The following METTL13 variants were observed in gnomAD, a reference collection of about 807,000 sequenced individuals.
The protein encoded by METTL13 is methyltransferase 13, eEF1A N-terminus and K55.
A neutral mutation model predicts 67.4 loss-of-function variants in METTL13; 52 were observed. That is an observed-to-expected ratio of 0.77 (90% CI 0.62 to 0.97). METTL13 has a LOEUF of 0.97. Ranked by LOEUF, METTL13 falls within the 50% of genes least tolerant of loss-of-function variation. The pLI, the probability that METTL13 is intolerant of heterozygous loss-of-function variation, is 0.00. For missense variants in METTL13, 825 were observed against 889.6 expected, an observed-to-expected ratio of 0.93 and a Z score of 0.92; for synonymous variants, 354 against 353.6, an observed-to-expected ratio of 1.00 and a Z score of -0.01.
intron 3 of METTL13, 95 bp from the exon 4 acceptor site, chr1:171,787,640 A>G: frequency 8.9e-7 from 1 of 1,129,134 alleles, no homozygotes; most frequent in South Asian, 1.6e-5. Context: ...GAACCGTGGT[A>G]TGGGGATATA....
In METTL13 at chr1:171,790,596, G is replaced by A; in HGVS notation, c.1454G>A (p.Arg485Lys). ...ATGATCGCTGGCCTTGCCCTGCTGA[G>A]AAACCCAGAGCTACTCCTAGGTGAG... ...KAMIAGLALLRNPELLLEIPL... is the reference protein window; with the variant it reads ...KAMIAGLALLKNPELLLEIPL... The change falls in exon 5 of 8, where the codon AGA becomes AAA. Residue 485 changes from arginine (R) to lysine (K), a missense_variant. Coordinates refer to ENST00000361735, the MANE Select transcript of METTL13 (RefSeq NM_015935.5). 1 of 1,577,030 alleles carries A rather than the reference G, an allele frequency of 6.3e-7. No individual in the cohort carries two copies. Among genetic ancestry groups the A allele is most frequent in the African/African-American group, 1.4e-5 (1 of 73,272 alleles).
chr1:171,794,075 A>G (rs1657288490), intron 6 of METTL13, among the ~76,000 whole-genome samples: 1 of 152,266 alleles, frequency 6.6e-6, no homozygotes, highest in Non-Finnish European at 1.5e-5. Flanking sequence ...GTTCTGCCAC[A>G]GTCAAAAGCC....
chr1:171,790,492 T>C lies in METTL13; in HGVS notation c.1350T>C (p.Pro450=). 6.2e-7 allele frequency: 1 copy of C among 1,609,604 alleles called. No individual in the cohort carries two copies. The highest frequency in any genetic ancestry group is 8.5e-7 in the Non-Finnish European group (1 of 1,178,752). Residue 450 remains proline, a synonymous_variant, in exon 5 of 8, where the codon CCT becomes CCC. Coordinates refer to ENST00000361735, the MANE Select transcript of METTL13 (RefSeq NM_015935.5). The part of the protein sequence containing the change: ...KRKKDRKKQR[P]ADAEDLPAAP... ...AAAAGGACAGGAAGAAGCAGCGGCCTGCTGATGCGGAGGACCTCCCTGCAG... is the reference window on the plus strand; with the variant it reads ...AAAAGGACAGGAAGAAGCAGCGGCCCGCTGATGCGGAGGACCTCCCTGCAG...
intron 4 of METTL13, among the ~76,000 whole-genome samples, chr1:171,789,767 C>T (rs1486820280): frequency 1.4e-5 from 2 of 142,598 alleles, no homozygotes; most frequent in African/African-American, 5.3e-5. Context: ...TTTGAGTGTG[C>T]ATTTGCCATT....
chr1:171,787,637 G>C, intron 3 of METTL13, 98 bp from the exon 4 acceptor site: 3 of 1,103,042 alleles, frequency 2.7e-6, no homozygotes, highest in Non-Finnish European at 3.9e-6. Flanking sequence ...CTAGAACCGT[G>C]GTATGGGGAT....
intron 7 of METTL13, among the ~76,000 whole-genome samples, chr1:171,795,575 G>C (rs1657341407): frequency 6.6e-6 from 1 of 152,186 alleles, no homozygotes. Flanking sequence ...TTTTGGATGA[G>C]GAAACTGAGG....
At chr1:171,784,535 G>GCGC in intron 2 of METTL13, 36 bp downstream of exon 2, 1 of 1,471,594 alleles carries the variant, frequency 6.8e-7, no homozygotes, top group Non-Finnish European at 9.0e-7. Flanking sequence ...CCCTGGAGGG[G>GCGC]CTGGCTTACA....
chr1:171,782,877 G>C (rs1656873304), intron 1 of METTL13, among the ~76,000 whole-genome samples: 3 of 152,198 alleles, frequency 2.0e-5, no homozygotes, highest in Admixed American at 2.0e-4. Context: ...GTATAGGTGA[G>C]ATTGTACTGG....
chr1:171,792,668 A>G (rs1171448138), intron 6 of METTL13, among the ~76,000 whole-genome samples: 1 of 152,256 alleles, frequency 6.6e-6, no homozygotes, highest in Non-Finnish European at 1.5e-5. Flanking sequence ...AGTGGTATAC[A>G]ACCTCAGGGT....
At position 171,795,535 on chromosome 1, in the gene METTL13, T is replaced by A. The variant is rs531647685; in HGVS notation, c.1826-947T>A. Among the ~76,000 whole-genome samples the A allele has an allele frequency of 7.2e-5, 11 of 152,302 alleles. 1 individual carries two copies. In the South Asian group the frequency reaches 2.3e-3, roughly 32 times the overall value. On this transcript the variant is annotated intron_variant, in intron 7 of 7. Coordinates refer to ENST00000361735, the MANE Select transcript of METTL13 (RefSeq NM_015935.5). The stretch of plus-strand genomic sequence containing the variant: ...TTCCTACACGTGCTCTACTAGGCAG[T>A]GTGTTATTTAATCTTCATAGCAGTC...
At chr1:171,796,459 T>C (rs1657378938) in intron 7 of METTL13, 23 bp from the exon 8 acceptor site, 2 of 1,612,150 alleles carry the variant, frequency 1.2e-6, no homozygotes, top group South Asian at 2.2e-5. Flanking sequence ...GAGGTCATTC[T>C]GACTTTTCTT....
chr1:171,787,634 C>A, intron 3 of METTL13, 101 bp from the exon 4 acceptor site: 1 of 1,063,202 alleles, frequency 9.4e-7, no homozygotes. Context: ...TGTCTAGAAC[C>A]GTGGTATGGG....
chr1:171,793,799 A>C (rs1657280628), intron 6 of METTL13, among the ~76,000 whole-genome samples: 1 of 152,248 alleles, frequency 6.6e-6, no homozygotes. Context: ...CTGAAATTTC[A>C]GAACATTTTC....
rs982884655 is a variant in METTL13, at chr1:171,789,197, C to T, written c.1310-1255C>T. Among the ~76,000 whole-genome samples the T allele has an allele frequency of 5.3e-5, 8 of 152,254 alleles. No individual in the cohort carries two copies. In the South Asian group the frequency reaches 1.5e-3, roughly 28 times the overall value. ...TCTCCCTCATGGGAGTATTGGTGAG[C>T]AAGAAGGAGAGCATATTAAAAAGTG... On this transcript the variant is annotated intron_variant, in intron 4 of 7. Coordinates refer to ENST00000361735, the MANE Select transcript of METTL13 (RefSeq NM_015935.5).
chr1:171,794,289 A>T (rs993963038), intron 6 of METTL13, 107 bp from the exon 7 acceptor site: 2 of 1,504,544 alleles, frequency 1.3e-6, no homozygotes, highest in African/African-American at 2.7e-5. Context: ...CATCCTTCTA[A>T]CTTAGTCACC....
intron 4 of METTL13, among the ~76,000 whole-genome samples, chr1:171,788,339 C>G (rs908217472): frequency 6.6e-6 from 1 of 152,134 alleles, no homozygotes; most frequent in African/African-American, 2.4e-5. Context: ...TAGAGGCCTT[C>G]TAGTATACCA....
At chr1:171,787,276 T>C (rs1383716940) in intron 3 of METTL13, among the ~76,000 whole-genome samples, 1 of 152,068 alleles carries the variant, frequency 6.6e-6, no homozygotes, top group East Asian at 1.9e-4. Context: ...GGGGGAAAAA[T>C]AGATGAGAAT....
chr1:171,790,768 T>G, intron 5 of METTL13, 152 bp downstream of exon 5: 16 of 786,392 alleles, frequency 2.0e-5, no homozygotes, highest in Admixed American at 4.0e-5. Context: ...TAATGAGCAT[T>G]CTAATTAACT....
At position 171,787,768 on chromosome 1, in the gene METTL13, G is replaced by C. The variant is rs1311542225; in HGVS notation, c.1147G>C (p.Val383Leu). Reference protein sequence around the residue: ...PFLSVGGDIGVRTVQHQDCSP... With the variant: ...PFLSVGGDIGLRTVQHQDCSP... ...TCTGTCTGTGGGTGGGGACATTGGG[G>C]TCCGGACCGTTCAGCACCAAGACTG... The change falls in exon 4 of 8, where the codon GTC becomes CTC. Residue 383 changes from valine to leucine, a missense_variant. Val to Leu is a conservative substitution (Grantham distance 32, BLOSUM62 1). Coordinates refer to ENST00000361735, the MANE Select transcript of METTL13 (RefSeq NM_015935.5). The C allele has an allele frequency of 6.2e-7, 1 of 1,614,150 alleles. No homozygotes were observed. Among genetic ancestry groups the C allele is most frequent in the Admixed American group, 1.7e-5 (1 of 60,020 alleles).
Sources: allele counts gnomAD v4.1 joint callset (sites outside exome capture counted in the v4.1 genomes callset), GRCh38; gene constraint gnomAD v4.1.1; transcripts MANE v1.5; gene names NCBI Gene and HGNC (gene_info 2026-07-23, HGNC 2026-07-21).